The following TTLL10 variants were observed in gnomAD, a reference collection of about 807,000 sequenced individuals.
The protein encoded by TTLL10 is inactive polyglycylase TTLL10.
A neutral mutation model predicts 69.0 loss-of-function variants in TTLL10; 61 were observed. That is an observed-to-expected ratio of 0.88 (90% CI 0.72 to 1.09). The LOEUF (loss-of-function observed/expected upper bound fraction) is 1.09, where lower values mean the gene tolerates loss of function less well. Among genes scored for constraint, TTLL10 ranks in the 50% least tolerant of loss-of-function variants. The probability of loss-of-function intolerance (pLI) is 0.00; values close to 1 mark genes in which losing one functional copy is unlikely to be tolerated. For synonymous variants in TTLL10, 408 were observed against 393.3 expected (o/e 1.04, Z -0.44); for missense variants, 962 against 945.9 (o/e 1.02, Z -0.22).
rs867611274 is a variant in TTLL10 at position 1,183,155 on chromosome 1, G to A, written c.1088+108G>A. The A allele has an allele frequency of 6.6e-5, 89 of 1,344,926 alleles. No homozygotes were observed. In the African/African-American group the frequency reaches 8.1e-4, roughly 12 times the overall value. The allele number at this position is 1,344,926 out of a possible 1,614,324, so 83.3% of individuals were successfully genotyped here. ...GAGCCCTTGGTCGTGGAAAGCAGCCGCACCACCAGCCCCTGTGCAGACCAC... is the reference window on the plus strand; with the variant it reads ...GAGCCCTTGGTCGTGGAAAGCAGCCACACCACCAGCCCCTGTGCAGACCAC... On this transcript the variant is annotated intron_variant, in intron 11 of 15. Coordinates refer to ENST00000379289, the MANE Select transcript of TTLL10 (RefSeq NM_001130045.2).
chr1:1,189,939 C>G (rs999102778), intron 13 of TTLL10, among the ~76,000 whole-genome samples: 1 of 151,874 alleles, frequency 6.6e-6, no homozygotes, highest in Non-Finnish European at 1.5e-5. Flanking sequence ...GGTGAAACCC[C>G]GTCTCTACTA....
intron 13 of TTLL10, among the ~76,000 whole-genome samples, chr1:1,186,278 G>A (rs567038511): frequency 2.0e-5 from 3 of 152,162 alleles, no homozygotes; most frequent in South Asian, 4.2e-4. Context: ...TAGTAGAGAT[G>A]GGGTTTTGCC....
At chr1:1,178,461 T>C (rs1478196950) in intron 3 of TTLL10, among the ~76,000 whole-genome samples, 1 of 151,768 alleles carries the variant, frequency 6.6e-6, no homozygotes, top group African/African-American at 2.4e-5. Flanking sequence ...CCTGGGAGGC[T>C]GAGGCAGGAG....
Position 1,180,564 on chromosome 1 carries a change from G to A in TTLL10, c.588G>A (p.Glu196=). Residue 196 remains glutamate (E), a synonymous_variant, in exon 7 of 16, where the codon GAG becomes GAA. Transcript: ENST00000379289. Reference sequence around the variant, plus strand: ...ACGACTACACGCTGAAGTGGTGTGAGGTCAAGAGCCGAGACAGCTACGGCA... The same window carrying A: ...ACGACTACACGCTGAAGTGGTGTGAAGTCAAGAGCCGAGACAGCTACGGCA... The part of the protein sequence containing the change: ...RRDDYTLKWC[E]VKSRDSYGSF... 6 of 1,552,134 alleles carry A rather than the reference G, an allele frequency of 3.9e-6. No homozygotes were observed. The highest frequency in any genetic ancestry group is 5.2e-6 in the Non-Finnish European group (6 of 1,147,472).
intron 7 of TTLL10, 47 bp downstream of exon 7, chr1:1,180,648 G>T: frequency 1.3e-6 from 2 of 1,554,192 alleles, no homozygotes; most frequent in Non-Finnish European, 1.7e-6. Flanking sequence ...GGGGCCTCCT[G>T]GGCCGGAGCA....
Position 1,179,700 on chromosome 1 carries a change from G to A in TTLL10, c.162G>A (p.Gln54=). 6.4e-7 allele frequency: 1 copy of A among 1,550,768 alleles called. No homozygotes were observed. The change falls in exon 5 of 16, where the codon CAG becomes CAA. Residue 54 remains glutamine (Q), a synonymous_variant. Transcript: ENST00000379289. The part of the protein sequence containing the change: ...ASRLHPAPAS[Q]PGPCPAPGHC... ...GTCTGCACCCAGCACCGGCCTCACA[G>A]CCCGGCCCCTGCCCTGCACCAGGCC...
At chr1:1,191,641 AG>A (rs953609296) in intron 13 of TTLL10, among the ~76,000 whole-genome samples, 2 of 152,214 alleles carry the variant, frequency 1.3e-5, no homozygotes, top group Non-Finnish European at 2.9e-5. Context: ...GCGGCGCTAG[AG>A]GAATTAAAGA....
intron 13 of TTLL10, among the ~76,000 whole-genome samples, chr1:1,186,473 G>A (rs937147969): frequency 2.6e-5 from 4 of 152,108 alleles, no homozygotes; most frequent in African/African-American, 9.7e-5. Flanking sequence ...TTATTGAGCT[G>A]TTATGAATAA....
At chr1:1,195,024 T>C (rs1411872715) in intron 13 of TTLL10, among the ~76,000 whole-genome samples, 1 of 152,220 alleles carries the variant, frequency 6.6e-6, no homozygotes, top group Non-Finnish European at 1.5e-5. Context: ...ACAGGGTTTC[T>C]GTCACCCAAG....
chr1:1,180,210 G>A lies in TTLL10; in HGVS notation c.376G>A (p.Asp126Asn), dbSNP rs1225866736. 6 of 1,611,024 alleles carry A rather than the reference G, an allele frequency of 3.7e-6. No individual in the cohort carries two copies. The highest frequency in any genetic ancestry group is 5.1e-6 in the Non-Finnish European group (6 of 1,179,302). ...LLNSHRPADS[D>N]DTNAAGPSAA... ...GAACAGCCACCGGCCTGCAGACTCG[G>A]ATGACACTAACGCCGCCGGGCCCTC... Residue 126 changes from aspartate (D) to asparagine (N), a missense_variant, in exon 6 of 16, where the codon GAT (aspartate) becomes AAT (asparagine). Physicochemically the swap from Asp to Asn is conservative, Grantham distance 23 (BLOSUM62 1). Transcript: ENST00000379289.
At chr1:1,184,123 C>A (rs931420393) in intron 12 of TTLL10, 32 bp downstream of exon 12, 21 of 1,613,608 alleles carry the variant, frequency 1.3e-5, no homozygotes, top group East Asian at 2.2e-5. Flanking sequence ...GCCCTCCCTG[C>A]AGCCTTGGGA....
At chr1:1,177,073 T>G (rs572895197) in intron 3 of TTLL10, among the ~76,000 whole-genome samples, 117 of 151,760 alleles carry the variant, frequency 7.7e-4, no homozygotes, top group African/African-American at 2.6e-3. Context: ...TGTGTGTGTG[T>G]GGGTGTCTGT....
At chr1:1,178,783 G>A (rs1646949153) in intron 3 of TTLL10, among the ~76,000 whole-genome samples, 1 of 152,130 alleles carries the variant, frequency 6.6e-6, no homozygotes, top group South Asian at 2.1e-4. Context: ...ACAGCCCACA[G>A]CTGGGCTCCG....
intron 10 of TTLL10, 104 bp from the exon 11 acceptor site, chr1:1,182,752 AGGGCCAAGGTTGGAATGGCC>A (rs1396668916): frequency 6.7e-6 from 9 of 1,341,930 alleles, no homozygotes; most frequent in Non-Finnish European, 9.0e-6. Context: ...TGGTTAGCGC[AGGGCCAAGGTTGGAATGGCC>A]GGGCCGAGGG....
chr1:1,177,938 G>T (rs1570398386), intron 3 of TTLL10, among the ~76,000 whole-genome samples: 1 of 152,172 alleles, frequency 6.6e-6, no homozygotes, highest in South Asian at 2.1e-4. Context: ...AGACACAGGT[G>T]GGGGGCCCAG....
chr1:1,196,346 A>G (rs1254379988), intron 13 of TTLL10: 1 of 486,250 alleles, frequency 2.1e-6, no homozygotes, highest in South Asian at 2.4e-5. Context: ...GCTCAAGGGC[A>G]GAGATTTCCT....
intron 3 of TTLL10, chr1:1,175,312 T>C: frequency 4.9e-6 from 1 of 203,694 alleles, no homozygotes; most frequent in Non-Finnish European, 8.8e-6. Flanking sequence ...GGAGGCAGTT[T>C]CCTGGGTGGG....
rs1647068675 is a variant in TTLL10, at chr1:1,181,519, C to T, written c.756-222C>T. ...CTGCCTCCATCTGCACCCCCCGCCC[C>T]TGGTTGCCTGTGACACCAGCTTTAC... On this transcript the variant is annotated intron_variant, in intron 8 of 15. Transcript: ENST00000379289. The surrounding 1 kb of genome is among the most constrained non-coding windows in gnomAD (Gnocchi z 4.6). Among the ~76,000 whole-genome samples the T allele has an allele frequency of 2.0e-5, 3 of 152,192 alleles. No individual in the cohort carries two copies. The South Asian group carries it at 6.2e-4, about 32-fold the overall frequency.
intron 11 of TTLL10, 118 bp downstream of exon 11, chr1:1,183,165 C>A: frequency 7.7e-7 from 1 of 1,296,216 alleles, no homozygotes; most frequent in South Asian, 1.5e-5. Flanking sequence ...GCACCACCAG[C>A]CCCTGTGCAG....
Sources: gnomAD v4.1 joint callset for allele counts (sites outside exome capture counted in the v4.1 genomes callset) on GRCh38, gnomAD v4.1.1 for gene constraint, Gnocchi (gnomAD v3.1) non-coding constraint, MANE v1.5 for transcripts, NCBI Gene and HGNC (gene_info 2026-07-23, HGNC 2026-07-21) for gene names.